SECISBP2L: variants seen among roughly 807,000 people sequenced by gnomAD.
SECISBP2L encodes the protein selenocysteine insertion sequence-binding protein 2-like.
In SECISBP2L, 43 loss-of-function variants were observed where a neutral mutation model predicts 114.7. The observed-to-expected ratio is 0.38, with a 90% CI of 0.29 to 0.48. The LOEUF (loss-of-function observed/expected upper bound fraction) is 0.48, where lower values mean the gene tolerates loss of function less well. Among genes scored for constraint, SECISBP2L ranks in the 20% least tolerant of loss-of-function variants. The probability of loss-of-function intolerance (pLI) is 0.98; values close to 1 mark genes in which losing one functional copy is unlikely to be tolerated. For synonymous variants in SECISBP2L, 451 were observed against 439.7 expected, an observed-to-expected ratio of 1.03 and a Z score of -0.32; for missense variants, 1,136 against 1,301.1, an observed-to-expected ratio of 0.87 and a Z score of 1.95.
intron 1 of SECISBP2L, among the ~76,000 whole-genome samples, chr15:49,044,547 G>C (rs1320443543): frequency 6.6e-6 from 1 of 152,178 alleles, no homozygotes; most frequent in African/African-American, 2.4e-5. Context: ...AGTGTATAGG[G>C]AAGTGGAGGA....
At chr15:49,005,560 C>CTTTT (rs752466722) in intron 14 of SECISBP2L, among the ~76,000 whole-genome samples, 2 of 36,746 alleles carry the variant, frequency 5.4e-5, no homozygotes, top group African/African-American at 1.3e-4. Context: ...GCAACCCCTG[C>CTTTT]TTTTTTTTTT....
At position 49,030,707 on chromosome 15, in the gene SECISBP2L, T is replaced by C. The variant is rs1902867354; in HGVS notation, c.665-2025A>G. ...CCATAGGGTTTCCCTAAGTCTTTAATCAATCTGAAATAGATTTGCATGGGG... is the reference window on the plus strand; with the variant it reads ...CCATAGGGTTTCCCTAAGTCTTTAACCAATCTGAAATAGATTTGCATGGGG... On this transcript the variant is annotated intron_variant, in intron 4 of 17. Transcript: ENST00000559471. 3.3e-5 allele frequency among the ~76,000 whole-genome samples: 5 copies of C among 152,362 alleles called. No homozygotes were observed. The South Asian group carries it at 8.3e-4, about 25-fold the overall frequency.
intron 13 of SECISBP2L, among the ~76,000 whole-genome samples, chr15:49,010,848 C>T (rs917076012): frequency 6.6e-6 from 1 of 152,170 alleles, no homozygotes; most frequent in African/African-American, 2.4e-5. Flanking sequence ...GGGCTGTAAG[C>T]TCTTCAACAG....
At chr15:49,036,314 T>C (rs1206781553) in intron 2 of SECISBP2L, among the ~76,000 whole-genome samples, 2 of 152,208 alleles carry the variant, frequency 1.3e-5, no homozygotes, top group Non-Finnish European at 2.9e-5. Context: ...AGCAAAATTC[T>C]TCCTGTCCCA....
Position 49,035,450 on chromosome 15 carries a change from T to C in SECISBP2L, c.412A>G (p.Asn138Asp). The C allele has an allele frequency of 6.2e-7, 1 of 1,614,142 alleles. No individual in the cohort carries two copies. Among genetic ancestry groups the C allele is most frequent in the Non-Finnish European group, 8.5e-7 (1 of 1,180,014 alleles). The change falls in exon 3 of 18, where the codon AAT becomes GAT. Residue 138 changes from asparagine to aspartate, a missense_variant. Around this residue, in one of 2 missense-constraint regions of SECISBP2L, gnomAD observed 452 missense variants for 452.3 expected, o/e 1.00. Transcript: ENST00000559471. ...TPYSNTFQAA[N>D]TVNAITTECT... ...TCTGTGGTGATAGCATTTACAGTATTTGCAGCCTGAAAGGTGTTGGAGTAA... is the reference window on the plus strand; with the variant it reads ...TCTGTGGTGATAGCATTTACAGTATCTGCAGCCTGAAAGGTGTTGGAGTAA...
chr15:49,018,700 A>G (rs1430017072), intron 8 of SECISBP2L, among the ~76,000 whole-genome samples: 1 of 152,236 alleles, frequency 6.6e-6, no homozygotes, highest in Admixed American at 6.5e-5. Context: ...TGTGTGGTGA[A>G]AAACATCTTG....
At chr15:48,999,551 A>T (rs2141061161) in intron 16 of SECISBP2L, among the ~76,000 whole-genome samples, 1 of 152,346 alleles carries the variant, frequency 6.6e-6, no homozygotes, top group Middle Eastern at 3.4e-3. Flanking sequence ...CCAGCAGTAA[A>T]ATAAATTACC....
chr15:49,011,107 T>G (rs1902429001), intron 13 of SECISBP2L, among the ~76,000 whole-genome samples: 1 of 152,216 alleles, frequency 6.6e-6, no homozygotes, highest in Non-Finnish European at 1.5e-5. Flanking sequence ...GCTTAATCTA[T>G]GTGTAAACCA....
chr15:49,009,228 T>C lies in SECISBP2L; in HGVS notation c.2015A>G (p.Lys672Arg), dbSNP rs1341817274. ...ASSTITKIHS[K>R]RFREYCNQVL... ...GTATAAAACTTACTCTCTAAATCTTTTGCTGTGGATTTTGGTTATTGTTGA... is the reference window on the plus strand; with the variant it reads ...GTATAAAACTTACTCTCTAAATCTTCTGCTGTGGATTTTGGTTATTGTTGA... Residue 672 changes from lysine (K) to arginine (R), a missense_variant, in exon 14 of 18, where the codon AAA (lysine) becomes AGA (arginine). Physicochemically the swap from Lys to Arg is conservative, Grantham distance 26. Transcript: ENST00000559471. 1 of 1,614,020 alleles carries C rather than the reference T, an allele frequency of 6.2e-7. No individual in the cohort carries two copies. The highest frequency in any genetic ancestry group is 2.2e-5 in the East Asian group (1 of 44,862).
rs767129584 is a variant in SECISBP2L at position 49,012,664 on chromosome 15, G to A, written c.1715C>T (p.Pro572Leu). 2 of 1,612,980 alleles carry A rather than the reference G, an allele frequency of 1.2e-6. No homozygotes were observed. Among genetic ancestry groups the A allele is most frequent in the South Asian group, 2.2e-5 (2 of 90,948 alleles). ...TTGGTTTACCTTTTTAAGTGCTGTGGGTCGTTTTAGTTTTGCAATTTCCTT... is the reference window on the plus strand; with the variant it reads ...TTGGTTTACCTTTTTAAGTGCTGTGAGTCGTTTTAGTTTTGCAATTTCCTT... ...KEKEIAKLKR[P>L]TALKKVILKE... Residue 572 changes from proline (P) to leucine (L), a missense_variant, in exon 12 of 18, where the codon CCC becomes CTC. By Grantham distance (98) the Pro-to-Leu change is moderately conservative (BLOSUM62 -3). Transcript: ENST00000559471.
intron 1 of SECISBP2L, among the ~76,000 whole-genome samples, chr15:49,039,067 T>C (rs1321562354): frequency 6.6e-6 from 1 of 152,192 alleles, no homozygotes; most frequent in Non-Finnish European, 1.5e-5. Flanking sequence ...TATTTATAAA[T>C]GCTTGTTAAA....
At chr15:49,015,444 C>A (rs577500785) in intron 11 of SECISBP2L, among the ~76,000 whole-genome samples, 1 of 152,216 alleles carries the variant, frequency 6.6e-6, no homozygotes, top group South Asian at 2.1e-4. Context: ...ACGTTTTGCA[C>A]ACAGGTTAAA....
Position 48,991,984 on chromosome 15 carries a change from C to G in SECISBP2L, c.*260G>C, listed in dbSNP as rs538921170. 1 of 344,234 alleles carries G rather than the reference C, an allele frequency of 2.9e-6. No homozygotes were observed. The highest frequency in any genetic ancestry group is 5.2e-6 in the Non-Finnish European group (1 of 191,030). The allele number at this position is 344,234 out of a possible 1,614,324, so 21.3% of individuals were successfully genotyped here. On this transcript the variant is annotated 3_prime_UTR_variant, in exon 18 of 18. Coordinates refer to ENST00000559471, the MANE Select transcript of SECISBP2L (RefSeq NM_001193489.2). ...ATTTGAAATTTATTTTCTTTAAGAT[C>G]TGGTCTTCTTTTTATCACTGTTTTT...
chr15:49,023,134 A>C (rs1383460831), intron 7 of SECISBP2L, among the ~76,000 whole-genome samples: 1 of 152,208 alleles, frequency 6.6e-6, no homozygotes, highest in East Asian at 1.9e-4. Flanking sequence ...AGCAAAGTAA[A>C]AAATAAAAAG....
intron 7 of SECISBP2L, among the ~76,000 whole-genome samples, chr15:49,020,460 C>A (rs1431908352): frequency 6.6e-6 from 1 of 152,120 alleles, no homozygotes; most frequent in African/African-American, 2.4e-5. Flanking sequence ...AATCTTCCCA[C>A]CTTGGCCTCT....
At chr15:49,045,869 T>C (rs1000112441) in intron 1 of SECISBP2L, among the ~76,000 whole-genome samples, 4 of 152,270 alleles carry the variant, frequency 2.6e-5, no homozygotes, top group African/African-American at 9.6e-5. Context: ...TTACCACACA[T>C]TCTCTTACAG....
intron 2 of SECISBP2L, 127 bp from the exon 3 acceptor site, chr15:49,035,785 G>C: frequency 1.2e-6 from 1 of 846,088 alleles, no homozygotes; most frequent in Non-Finnish European, 1.8e-6. Flanking sequence ...TTTTGGGAAA[G>C]GAGACAAAAC....
intron 1 of SECISBP2L, among the ~76,000 whole-genome samples, chr15:49,038,467 A>T (rs1357191399): frequency 1.3e-5 from 2 of 151,730 alleles, no homozygotes; most frequent in Non-Finnish European, 2.9e-5. Flanking sequence ...TTAGGGATGC[A>T]CATATGGGCA....
intron 11 of SECISBP2L, 178 bp downstream of exon 11, chr15:49,016,382 C>A (rs1345336652): frequency 7.9e-6 from 4 of 509,174 alleles, no homozygotes; most frequent in South Asian, 4.5e-5. Context: ...TGGACAATTT[C>A]AAGGCTTGCG....
Sources: gnomAD v4.1 joint callset for allele counts (sites outside exome capture counted in the v4.1 genomes callset) on GRCh38, gnomAD v4.1.1 for gene constraint, gnomAD v4.1.1 regional missense constraint, MANE v1.5 for transcripts, NCBI Gene and HGNC (gene_info 2026-07-23, HGNC 2026-07-21) for gene names.